The following ZNF713 variants were observed in gnomAD, a reference collection of about 807,000 sequenced individuals.
The protein encoded by ZNF713 is zinc finger protein 713.
In ZNF713, 21 loss-of-function variants were observed where a neutral mutation model predicts 28.7. That is an observed-to-expected ratio of 0.73 (90% confidence interval 0.52 to 1.05). ZNF713 has a LOEUF of 1.05. ZNF713 is among the 50% of genes least tolerant of loss of function. ZNF713 has a pLI of 0.00. For missense variants in ZNF713, 458 were observed against 532.4 expected, an observed-to-expected ratio of 0.86 and a Z score of 1.37; for synonymous variants, 167 against 178.0, an observed-to-expected ratio of 0.94 and a Z score of 0.49.
rs1208127576 is a variant in ZNF713, at chr7:55,932,716, C to G, written c.308-6266C>G. Among the ~76,000 whole-genome samples, 4 of 146,842 alleles carry G rather than the reference C, an allele frequency of 2.7e-5. No homozygotes were observed. The Admixed American group carries it at 2.7e-4, about 10-fold the overall frequency. On this transcript the variant is annotated intron_variant, in intron 6 of 6. Transcript: ENST00000429591. ...TGGCTAACAAGGTGAAACCCCGTCT[C>G]TACTAAAAATACAAAAAATTAGCCG... is the stretch of plus-strand genomic sequence containing the variant.
intron 4 of ZNF713, among the ~76,000 whole-genome samples, chr7:55,918,665 C>T (rs905713495): frequency 2.0e-5 from 3 of 152,134 alleles, no homozygotes; most frequent in South Asian, 2.1e-4. Context: ...AGAGGACCCT[C>T]GAAGAAGAAA....
rs1584304097 is a variant in ZNF713 at position 55,908,294 on chromosome 7, C to T, written c.-456+1915C>T. Among the ~76,000 whole-genome samples, 4 of 152,086 alleles carry T rather than the reference C, an allele frequency of 2.6e-5. No homozygotes were observed. The South Asian group carries it at 8.3e-4, about 32-fold the overall frequency. On this transcript the variant is annotated intron_variant, in intron 2 of 6. Transcript: ENST00000429591. ...AATAGCTGGGATTACAGGCATGCAC[C>T]GCCGTACCCGGCTAATTTTTGTATT... is the stretch of plus-strand genomic sequence containing the variant.
At chr7:55,893,319 A>G (rs1785421990) in intron 1 of ZNF713, among the ~76,000 whole-genome samples, 1 of 152,222 alleles carries the variant, frequency 6.6e-6, no homozygotes, top group Non-Finnish European at 1.5e-5. Flanking sequence ...CAAAAAGAGT[A>G]TGATCTCATG....
intron 5 of ZNF713, 93 bp from the exon 6 acceptor site, chr7:55,923,514 C>G (rs529053201): frequency 8.2e-7 from 1 of 1,214,356 alleles, no homozygotes; most frequent in African/African-American, 1.5e-5. Context: ...AGTCTCCCCT[C>G]CAGAGGCTCT....
chr7:55,916,400 G>A (rs962831741), intron 4 of ZNF713, among the ~76,000 whole-genome samples: 3 of 152,104 alleles, frequency 2.0e-5, no homozygotes, highest in Admixed American at 6.5e-5. Flanking sequence ...TCCTGACCAC[G>A]CTATTTAAAT....
intron 6 of ZNF713, among the ~76,000 whole-genome samples, chr7:55,926,832 T>G (rs1786105814): frequency 2.0e-5 from 3 of 152,158 alleles, no homozygotes; most frequent in African/African-American, 7.2e-5. Flanking sequence ...AATATTCTTA[T>G]AAGCAGCTAG....
At chr7:55,933,713 G>A (rs1395734318) in intron 6 of ZNF713, among the ~76,000 whole-genome samples, 1 of 151,952 alleles carries the variant, frequency 6.6e-6, no homozygotes, top group East Asian at 1.9e-4. Context: ...TTTTGTCGTT[G>A]TTGTTTGCGA....
chr7:55,922,312 G>A (rs964821549), intron 4 of ZNF713, among the ~76,000 whole-genome samples: 9 of 151,884 alleles, frequency 5.9e-5, no homozygotes, highest in South Asian at 2.1e-4. Context: ...AGGCTGAGGC[G>A]GGCAGATCAT....
intron 6 of ZNF713, among the ~76,000 whole-genome samples, chr7:55,936,575 C>G (rs1047252825): frequency 7.2e-5 from 11 of 152,168 alleles, no homozygotes; most frequent in Non-Finnish European, 1.5e-5. Context: ...AAGGTGAAGA[C>G]TGATGTGGAC....
chr7:55,929,662 T>C (rs1289596994), intron 6 of ZNF713, among the ~76,000 whole-genome samples: 1 of 150,936 alleles, frequency 6.6e-6, no homozygotes, highest in East Asian at 2.0e-4. Context: ...GGCTGAGGCA[T>C]GAGAACCGCC....
intron 6 of ZNF713, among the ~76,000 whole-genome samples, chr7:55,927,913 A>AAAAAAAAAC (rs1562746751): frequency 6.7e-6 from 1 of 149,714 alleles, no homozygotes; most frequent in Non-Finnish European, 1.5e-5. Context: ...AAAAAAAAAA[A>AAAAAAAAAC]AAAAAAAGCC....
At chr7:55,892,456 C>T (rs1230942141) in intron 1 of ZNF713, among the ~76,000 whole-genome samples, 1 of 127,108 alleles carries the variant, frequency 7.9e-6, no homozygotes, top group African/African-American at 3.0e-5. Context: ...AACCCTATAA[C>T]AAAACACAGG....
intron 4 of ZNF713, 142 bp downstream of exon 4, chr7:55,912,865 A>G (rs1377990174): frequency 4.7e-6 from 3 of 644,446 alleles, no homozygotes; most frequent in Non-Finnish European, 8.2e-6. Context: ...TCTCCACAGC[A>G]TGTTTTCCAT....
chr7:55,935,132 G>A (rs899358935), intron 6 of ZNF713, among the ~76,000 whole-genome samples: 36 of 151,722 alleles, frequency 2.4e-4, no homozygotes, highest in African/African-American at 7.8e-4. Flanking sequence ...CTCACGATCC[G>A]CCCACCTTGA....
intron 1 of ZNF713, among the ~76,000 whole-genome samples, chr7:55,892,027 C>G (rs1275946142): frequency 1.3e-5 from 2 of 152,078 alleles, no homozygotes; most frequent in African/African-American, 2.4e-5. Flanking sequence ...TGCCTGTAAT[C>G]CCAGCACTTT....
At chr7:55,906,095 C>G (rs185046281) in intron 1 of ZNF713, 158 bp from the exon 2 acceptor site, 6 of 141,076 alleles carry the variant, frequency 4.3e-5, no homozygotes, top group African/African-American at 1.6e-4. Flanking sequence ...GTGCGAGACT[C>G]TGACTCAAAA....
intron 4 of ZNF713, among the ~76,000 whole-genome samples, chr7:55,917,349 C>T (rs1342636278): frequency 4.0e-5 from 6 of 151,678 alleles, no homozygotes; most frequent in Admixed American, 3.9e-4. Context: ...GTGGTCTCAT[C>T]TTTCTAATAT....
intron 4 of ZNF713, among the ~76,000 whole-genome samples, chr7:55,914,110 C>CAA (rs755685299): frequency 3.0e-4 from 18 of 60,160 alleles, no homozygotes; most frequent in African/African-American, 1.0e-3. Flanking sequence ...GACTCCATCT[C>CAA]AAAAAAAAAA....
Position 55,941,868 on chromosome 7 carries a change from A to G in ZNF713, c.*1862A>G, listed in dbSNP as rs1201540384. On this transcript the variant is annotated 3_prime_UTR_variant, in exon 7 of 7. Coordinates refer to ENST00000429591, the MANE Select transcript of ZNF713 (RefSeq NM_182633.3). Reference sequence around the variant, plus strand: ...TGCAATCTTGACATTATTTTCATCAAATGAATCCTAGGATCACTTTGAGAA... The same window carrying G: ...TGCAATCTTGACATTATTTTCATCAGATGAATCCTAGGATCACTTTGAGAA... 6.6e-6 allele frequency: 1 copy of G among 152,088 alleles called. No homozygotes were observed. The highest frequency in any genetic ancestry group is 1.5e-5 in the Non-Finnish European group (1 of 67,960). 9.4% of individuals were successfully genotyped at this position (152,088 alleles called of 1,614,324 possible). A position where few individuals can be genotyped will look rare whatever the true frequency, so the allele number is the denominator to read the frequency against.
Sources: gnomAD v4.1 joint callset for allele counts (sites outside exome capture counted in the v4.1 genomes callset) on GRCh38, gnomAD v4.1.1 for gene constraint, MANE v1.5 for transcripts, NCBI Gene and HGNC (gene_info 2026-07-23, HGNC 2026-07-21) for gene names.